BBS9: variants seen among roughly 807,000 people sequenced by gnomAD.
BBS9 encodes the protein protein PTHB1.
Under a neutral mutation model 117.7 loss-of-function variants are expected in BBS9, and 89 were observed. The ratio of observed to expected loss-of-function variants is 0.76; its 90% CI spans 0.64 to 0.90. BBS9 has a LOEUF of 0.90. Ranked by LOEUF, BBS9 falls within the 40% of genes least tolerant of loss-of-function variation. The probability of loss-of-function intolerance (pLI) is 0.00; values close to 1 mark genes in which losing one functional copy is unlikely to be tolerated. For synonymous variants in BBS9, 379 were observed against 370.9 expected (o/e 1.02, Z -0.25); for missense variants, 982 against 1,042.2 (o/e 0.94, Z 0.80).
At chr7:33,326,225 C>G (rs1812802830) in intron 9 of BBS9, among the ~76,000 whole-genome samples, 1 of 149,748 alleles carries the variant, frequency 6.7e-6, no homozygotes, top group Non-Finnish European at 1.5e-5. Flanking sequence ...CTACTCTTTT[C>G]CCTCCCCTCC....
rs894318367 is a variant in BBS9 at position 33,467,376 on chromosome 7, T to C, written c.2116-38087T>C. Among the ~76,000 whole-genome samples the C allele has an allele frequency of 2.0e-4, 30 of 152,310 alleles. 1 individual carries two copies. The highest frequency in any genetic ancestry group is 7.0e-4 in the African/African-American group (29 of 41,580). Reference sequence around the variant, plus strand: ...ACCATTAGAGATCCCAGACCCTGTGTTATCTCCATCGATTTTCTATGAGGC... The same window carrying C: ...ACCATTAGAGATCCCAGACCCTGTGCTATCTCCATCGATTTTCTATGAGGC... On this transcript the variant is annotated intron_variant, in intron 19 of 22. Coordinates refer to ENST00000242067, the MANE Select transcript of BBS9 (RefSeq NM_198428.3).
chr7:33,191,319 G>A (rs1439623353), intron 5 of BBS9, among the ~76,000 whole-genome samples: 1 of 152,182 alleles, frequency 6.6e-6, no homozygotes, highest in African/African-American at 2.4e-5. Context: ...TGGTATCCGT[G>A]AGCTTTGAGT....
intron 11 of BBS9, among the ~76,000 whole-genome samples, chr7:33,343,585 G>A (rs1816955240): frequency 2.0e-5 from 3 of 149,134 alleles, no homozygotes; most frequent in South Asian, 4.5e-4. Flanking sequence ...TGCAACCTCC[G>A]CCTCCCGGGT....
chr7:33,435,549 A>G (rs1223431886), intron 19 of BBS9, among the ~76,000 whole-genome samples: 1 of 64,508 alleles, frequency 1.6e-5, no homozygotes, highest in Non-Finnish European at 3.1e-5. Context: ...TGCAGCACTC[A>G]GAAAAGTAAT....
At chr7:33,142,634 T>C (rs943737165) in intron 1 of BBS9, among the ~76,000 whole-genome samples, 10 of 152,200 alleles carry the variant, frequency 6.6e-5, no homozygotes, top group African/African-American at 2.4e-4. Flanking sequence ...TTCTTAATGT[T>C]TCTGTGACTA....
intron 21 of BBS9, among the ~76,000 whole-genome samples, chr7:33,588,108 T>A (rs1861252146): frequency 6.6e-6 from 1 of 152,132 alleles, no homozygotes; most frequent in Non-Finnish European, 1.5e-5. Context: ...TAACTTTGAT[T>A]CCTACAGAAA....
intron 16 of BBS9, among the ~76,000 whole-genome samples, chr7:33,366,110 C>T (rs1331389674): frequency 6.6e-6 from 1 of 152,122 alleles, no homozygotes; most frequent in Non-Finnish European, 1.5e-5. Context: ...TGGGGTGGTA[C>T]AACAGCAGCT....
rs150219298 is a variant in BBS9, at chr7:33,378,544, T to G, written c.1790-5122T>G. ...TGAGATGGGCCTTTCGGAGAGCTCA[T>G]AGGCCCCTGTTGAGGTAATCCAAAT... On this transcript the variant is annotated intron_variant, in intron 17 of 22. Transcript: ENST00000242067. 1.8e-3 allele frequency among the ~76,000 whole-genome samples: 276 copies of G among 152,326 alleles called. 8 individuals are homozygous for G. In the East Asian group the frequency reaches 0.045, roughly 25 times the overall value.
chr7:33,388,122 T>C lies in BBS9; in HGVS notation c.2093T>C (p.Leu698Ser). Residue 698 changes from leucine to serine, a missense_variant, in exon 19 of 23, where the codon TTG becomes TCG. Physicochemically the swap from Leu to Ser is moderately radical, Grantham distance 145. Coordinates refer to ENST00000242067, the MANE Select transcript of BBS9 (RefSeq NM_198428.3). ...GCCCCTCTTCAACACCTGGACACCT[T>C]GTTAGATGGAACCTACAAGCAGGTC... Reference protein sequence around the residue: ...TPAPLQHLDTLLDGTYKQVIA... With the variant: ...TPAPLQHLDTSLDGTYKQVIA... 1 of 1,614,146 alleles carries C rather than the reference T, an allele frequency of 6.2e-7. No homozygotes were observed. Among genetic ancestry groups the C allele is most frequent in the Non-Finnish European group, 8.5e-7 (1 of 1,179,988 alleles).
intron 20 of BBS9, among the ~76,000 whole-genome samples, chr7:33,513,573 C>T (rs558492579): frequency 6.6e-6 from 1 of 152,196 alleles, no homozygotes; most frequent in Non-Finnish European, 1.5e-5. Flanking sequence ...AAGTATACTA[C>T]CTCTGTTTCC....
rs995686640 is a variant in BBS9, at chr7:33,292,928, C to T, written c.1016+18972C>T. Among the ~76,000 whole-genome samples, 3 of 151,854 alleles carry T rather than the reference C, an allele frequency of 2.0e-5. No individual in the cohort carries two copies. In the South Asian group the frequency reaches 6.2e-4, roughly 31 times the overall value. ...GTCTGAGGCAGGAGAATCGCTTGAA[C>T]CTGGGCGGCAGAGGTTGCAGTCAGC... is the stretch of plus-strand genomic sequence containing the variant. On this transcript the variant is annotated intron_variant, in intron 9 of 22. Coordinates refer to ENST00000242067, the MANE Select transcript of BBS9 (RefSeq NM_198428.3).
At chr7:33,175,805 A>G (rs145725398) in intron 4 of BBS9, among the ~76,000 whole-genome samples, 162 of 152,328 alleles carry the variant, frequency 1.1e-3, no homozygotes, top group African/African-American at 3.8e-3. Flanking sequence ...TAGGAAAAAC[A>G]AGCAGAAATT....
At chr7:33,257,726 T>TA (rs1797315795) in intron 6 of BBS9, among the ~76,000 whole-genome samples, 1 of 152,160 alleles carries the variant, frequency 6.6e-6, no homozygotes, top group Non-Finnish European at 1.5e-5. Flanking sequence ...ATTAAATGTA[T>TA]GTCCAGTTAC....
intron 21 of BBS9, among the ~76,000 whole-genome samples, chr7:33,618,104 C>G (rs1355026451): frequency 6.6e-6 from 1 of 152,094 alleles, no homozygotes; most frequent in East Asian, 1.9e-4. Context: ...CTTTAGGAGG[C>G]CAAGGCAGGA....
rs66529823 is a variant in BBS9 at position 33,616,493 on chromosome 7, GTATA to G, written c.2522-18663_2522-18660del. Among the ~76,000 whole-genome samples, 798 of 136,390 alleles carry G rather than the reference GTATA, an allele frequency of 5.9e-3. 11 individuals are homozygous for G. The highest frequency in any genetic ancestry group is 0.02 in the African/African-American group (758 of 37,860). 89.5% of individuals were successfully genotyped at this position (136,390 alleles called of 152,430 possible). Reference sequence around the variant, plus strand: ...TTATATAATATATGTGTGTGTGTGTGTATATATATATATATATATATATAGAAAG... The same window carrying G: ...TTATATAATATATGTGTGTGTGTGTGTATATATATATATATATATAGAAAG... On this transcript the variant is annotated intron_variant, in intron 21 of 21. Coordinates refer to the BBS9 transcript ENST00000671952.
intron 20 of BBS9, among the ~76,000 whole-genome samples, chr7:33,508,941 G>T (rs138055660): frequency 1.3e-5 from 2 of 152,174 alleles, no homozygotes; most frequent in Admixed American, 1.3e-4. Context: ...CTGTAGGCAG[G>T]TGAATGGACT....
chr7:33,302,129 A>AT (rs897238463), intron 9 of BBS9, among the ~76,000 whole-genome samples: 7 of 151,760 alleles, frequency 4.6e-5, no homozygotes, highest in Admixed American at 1.3e-4. Flanking sequence ...GTATTATTAG[A>AT]TTTTTTTCCT....
intron 19 of BBS9, among the ~76,000 whole-genome samples, chr7:33,418,011 C>T (rs948522926): frequency 6.6e-6 from 1 of 152,130 alleles, no homozygotes; most frequent in Non-Finnish European, 1.5e-5. Context: ...GGGACCATAT[C>T]CATCTTGTTC....
At chr7:33,242,854 A>G in intron 5 of BBS9, 1 of 489,216 alleles carries the variant, frequency 2.0e-6, no homozygotes, top group Non-Finnish European at 4.1e-6. Flanking sequence ...GTCATTAGGT[A>G]CCTACACTAT....
Sources: allele counts gnomAD v4.1 joint callset (sites outside exome capture counted in the v4.1 genomes callset), GRCh38; gene constraint gnomAD v4.1.1; transcripts MANE v1.5; gene names NCBI Gene and HGNC (gene_info 2026-07-23, HGNC 2026-07-21).